CERKL: variants seen among roughly 807,000 people sequenced by gnomAD.
CERKL encodes CERK like autophagy regulator.
Under a neutral mutation model 63.4 loss-of-function variants are expected in CERKL, and 61 were observed. The ratio of observed to expected loss-of-function variants is 0.96; its 90% CI spans 0.78 to 1.19. The LOEUF is 1.19. CERKL is among the 50% of genes most tolerant of loss of function. CERKL has a pLI of 0.00. For missense variants in CERKL, 675 were observed against 655.5 expected, an observed-to-expected ratio of 1.03 and a Z score of -0.33; for synonymous variants, 250 against 230.5, an observed-to-expected ratio of 1.08 and a Z score of -0.77.
At chr2:181,576,135 C>T (rs1361505870) in intron 2 of CERKL, among the ~76,000 whole-genome samples, 1 of 152,014 alleles carries the variant, frequency 6.6e-6, no homozygotes, top group Non-Finnish European at 1.5e-5. Flanking sequence ...ACTAAACAAA[C>T]AAAAGATGAG....
chr2:181,593,376 T>C (rs575598679), intron 2 of CERKL, among the ~76,000 whole-genome samples: 29 of 152,306 alleles, frequency 1.9e-4, no homozygotes, highest in Admixed American at 4.6e-4. Flanking sequence ...GATTTACTAA[T>C]ATCCGTGGTA....
intron 4 of CERKL, among the ~76,000 whole-genome samples, chr2:181,560,795 A>G (rs1415699258): frequency 6.6e-6 from 1 of 152,182 alleles, no homozygotes; most frequent in Non-Finnish European, 1.5e-5. Context: ...TAGCCTTATG[A>G]GAATCTTATT....
intron 1 of CERKL, among the ~76,000 whole-genome samples, chr2:181,606,239 T>TGGAAGACAAGAAGGAA: frequency 1.1e-5 from 1 of 90,766 alleles, no homozygotes; most frequent in Non-Finnish European, 2.0e-5. Context: ...GAAGGGAGGA[T>TGGAAGACAAGAAGGAA]GGAAGACAAG....
At chr2:181,625,105 G>A (rs1369204090) in intron 1 of CERKL, among the ~76,000 whole-genome samples, 3 of 152,152 alleles carry the variant, frequency 2.0e-5, no homozygotes, top group Admixed American at 6.6e-5. Flanking sequence ...CCCAAGAATG[G>A]AGACTGGGAA....
At chr2:181,590,561 AAAG>A (rs1684950785) in intron 2 of CERKL, among the ~76,000 whole-genome samples, 1 of 152,230 alleles carries the variant, frequency 6.6e-6, no homozygotes, top group Admixed American at 6.5e-5. Context: ...CCTGAAATAT[AAAG>A]AACTTGTCAG....
intron 12 of CERKL, among the ~76,000 whole-genome samples, chr2:181,538,453 A>G (rs1456519075): frequency 6.6e-6 from 1 of 152,080 alleles, no homozygotes; most frequent in East Asian, 1.9e-4. Context: ...GACTTCCTTG[A>G]TTGTCCAATG....
intron 1 of CERKL, among the ~76,000 whole-genome samples, chr2:181,605,192 A>C (rs373500889): frequency 2.0e-5 from 3 of 152,310 alleles, no homozygotes; most frequent in African/African-American, 7.2e-5. Flanking sequence ...GAGAATCTCC[A>C]GGTCACAGGG....
chr2:181,550,072 G>C lies in CERKL; in HGVS notation c.821-364C>G, dbSNP rs1462831768. Among the ~76,000 whole-genome samples the C allele has an allele frequency of 6.6e-6, 1 of 152,014 alleles. No individual in the cohort carries two copies. The highest frequency in any genetic ancestry group is 2.4e-5 in the African/African-American group (1 of 41,378). ...GGGTTTTTAGCTTCAATGCCAAAAT[G>C]AGGTGCCTCTGGGGAGCAGTGACAA... On this transcript the variant is annotated intron_variant, in intron 5 of 12. Coordinates refer to ENST00000410087, the MANE Select transcript of CERKL (RefSeq NM_201548.5). This position sits in a 1 kb window ranked among gnomAD's most constrained non-coding sequence, Gnocchi z 4.5.
chr2:181,579,447 A>T (rs1462741242), intron 2 of CERKL, among the ~76,000 whole-genome samples: 1 of 151,894 alleles, frequency 6.6e-6, no homozygotes, highest in Non-Finnish European at 1.5e-5. Flanking sequence ...CTTTCTATGT[A>T]TGTCACTTGC....
intron 10 of CERKL, 119 bp from the exon 11 acceptor site, chr2:181,544,915 A>C: frequency 3.5e-6 from 2 of 576,352 alleles, no homozygotes; most frequent in Non-Finnish European, 6.1e-6. Flanking sequence ...GACAAGATAG[A>C]TAAATCACCA....
chr2:181,572,483 T>C (rs1688947392), intron 3 of CERKL, among the ~76,000 whole-genome samples: 1 of 152,206 alleles, frequency 6.6e-6, no homozygotes, highest in Non-Finnish European at 1.5e-5. Flanking sequence ...AAAATAGTCA[T>C]TGAGTATGCC....
At position 181,589,100 on chromosome 2, in the gene CERKL, C is replaced by T. The variant is rs114034400; in HGVS notation, c.481+14737G>A. Among the ~76,000 whole-genome samples, 196 of 152,216 alleles carry T rather than the reference C, an allele frequency of 1.3e-3. 1 individual carries two copies. The highest frequency in any genetic ancestry group is 4.5e-3 in the African/African-American group (187 of 41,560). On this transcript the variant is annotated intron_variant, in intron 2 of 12. Coordinates refer to ENST00000410087, the MANE Select transcript of CERKL (RefSeq NM_201548.5). ...TTTGGGTTTGATGTAATCCAACGTA[C>T]CTATTTTTGCTTTTGTTGCCTGTTC... is the stretch of plus-strand genomic sequence containing the variant.
intron 2 of CERKL, among the ~76,000 whole-genome samples, chr2:181,584,422 G>C (rs1052205300): frequency 1.3e-5 from 2 of 151,998 alleles, no homozygotes; most frequent in African/African-American, 4.8e-5. Context: ...TGAGGTGGGA[G>C]GATCACTTGA....
intron 8 of CERKL, chr2:181,548,134 G>C: frequency 1.8e-6 from 1 of 559,128 alleles, no homozygotes; most frequent in Non-Finnish European, 3.1e-6. Flanking sequence ...TTACACACTA[G>C]ACCAAAATTA....
Position 181,586,105 on chromosome 2 carries a change from G to C in CERKL, c.482-12221C>G, listed in dbSNP as rs532065615. Among the ~76,000 whole-genome samples, 3 of 152,158 alleles carry C rather than the reference G, an allele frequency of 2.0e-5. No individual in the cohort carries two copies. In the East Asian group the frequency reaches 5.8e-4, roughly 29 times the overall value. On this transcript the variant is annotated intron_variant, in intron 2 of 12. Transcript: ENST00000410087. ...CCCATGAAAGGAACTGTAACAATAA[G>C]ATGACCTTAGTCACTAGGTTAGGAA... is the stretch of plus-strand genomic sequence containing the variant.
chr2:181,548,819 C>A lies in CERKL; in HGVS notation c.934G>T (p.Ala312Ser). ...AACCCAAAGCGAAGAAGCTTGCCAG[C>A]GGTGCTGAAGGTGCAGACGTCGACC... ...QLVDVCTFST[A>S]GKLLRFGFSA... Residue 312 changes from alanine (A) to serine (S), a missense_variant, in exon 7 of 13, where the codon GCT becomes TCT. By Grantham distance (99) the Ala-to-Ser change is moderately conservative. Coordinates refer to ENST00000410087, the MANE Select transcript of CERKL (RefSeq NM_201548.5). 1.2e-6 allele frequency: 2 copies of A among 1,614,026 alleles called. No homozygotes were observed. Among genetic ancestry groups the A allele is most frequent in the South Asian group, 2.2e-5 (2 of 91,086 alleles).
intron 2 of CERKL, among the ~76,000 whole-genome samples, chr2:181,584,090 A>G (rs1052074428): frequency 2.0e-5 from 3 of 152,226 alleles, no homozygotes; most frequent in Non-Finnish European, 4.4e-5. Flanking sequence ...GATACAGAAA[A>G]ATGTTAAGAT....
chr2:181,612,101 C>T (rs1348406868), intron 1 of CERKL, among the ~76,000 whole-genome samples: 7 of 152,154 alleles, frequency 4.6e-5, no homozygotes. Context: ...AGAGAAGAAA[C>T]TGAAGACGGA....
intron 1 of CERKL, among the ~76,000 whole-genome samples, chr2:181,613,169 T>C (rs1023725809): frequency 1.3e-5 from 2 of 152,108 alleles, no homozygotes; most frequent in African/African-American, 4.8e-5. Context: ...TTGCTTCCCC[T>C]CCCCCAGCTC....
Sources: allele counts gnomAD v4.1 joint callset (sites outside exome capture counted in the v4.1 genomes callset), GRCh38; gene constraint gnomAD v4.1.1; non-coding constraint Gnocchi (gnomAD v3.1); transcripts MANE v1.5; gene names NCBI Gene and HGNC (gene_info 2026-07-23, HGNC 2026-07-21).